REV3L: variants seen among roughly 807,000 people sequenced by gnomAD.
The protein encoded by REV3L is DNA polymerase zeta catalytic subunit.
In REV3L, 69 loss-of-function variants were observed where a neutral mutation model predicts 299.4. The ratio of observed to expected loss-of-function variants is 0.23; its 90% CI spans 0.19 to 0.28. The LOEUF is 0.28. Among genes scored for constraint, REV3L ranks in the 10% least tolerant of loss-of-function variants. REV3L has a pLI of 1.00. For synonymous variants in REV3L, 1,238 were observed against 1,271.4 expected, an observed-to-expected ratio of 0.97 and a Z score of 0.56; for missense variants, 3,128 against 3,693.8, an observed-to-expected ratio of 0.85 and a Z score of 3.97.
intron 9 of REV3L, among the ~76,000 whole-genome samples, chr6:111,384,664 C>A (rs371312561): frequency 6.6e-6 from 1 of 152,132 alleles, no homozygotes; most frequent in South Asian, 2.1e-4. Flanking sequence ...ATTAGTACAG[C>A]CACTATGGAG....
At chr6:111,368,212 A>G (rs977701905) in intron 13 of REV3L, among the ~76,000 whole-genome samples, 184 bp from the exon 14 acceptor site, 1 of 152,202 alleles carries the variant, frequency 6.6e-6, no homozygotes, top group Non-Finnish European at 1.5e-5. Context: ...CCTCACAGGT[A>G]TATGACTACT....
At chr6:111,423,159 A>G (rs1013978996) in intron 1 of REV3L, among the ~76,000 whole-genome samples, 2 of 152,190 alleles carry the variant, frequency 1.3e-5, no homozygotes, top group Admixed American at 6.5e-5. Flanking sequence ...CACTAACTTC[A>G]TGACTATAAA....
At chr6:111,429,566 T>C (rs1433424463) in intron 1 of REV3L, among the ~76,000 whole-genome samples, 3 of 151,932 alleles carry the variant, frequency 2.0e-5, no homozygotes, top group Middle Eastern at 3.4e-3. Flanking sequence ...AAAAGACAAA[T>C]CTACCAAAAA....
At chr6:111,408,354 G>A (rs140988591) in intron 3 of REV3L, among the ~76,000 whole-genome samples, 4,580 of 152,206 alleles carry the variant, frequency 0.03, 81 homozygotes, top group South Asian at 0.079. Flanking sequence ...TGTAATCCCA[G>A]CACTTTGGGA....
At chr6:111,364,553 AT>A (rs1259123690) in intron 15 of REV3L, among the ~76,000 whole-genome samples, 2 of 151,702 alleles carry the variant, frequency 1.3e-5, no homozygotes, top group African/African-American at 4.8e-5. Context: ...CTGATATAGT[AT>A]TTTTTAATAT....
intron 16 of REV3L, among the ~76,000 whole-genome samples, chr6:111,363,331 T>C (rs1778886967): frequency 6.6e-6 from 1 of 152,118 alleles, no homozygotes; most frequent in Admixed American, 6.6e-5. Context: ...AGACAGAGTC[T>C]TGCTCTGTCT....
At position 111,376,029 on chromosome 6, in the gene REV3L, A is replaced by G; in HGVS notation, c.2326T>C (p.Tyr776His). Reference protein sequence around the residue: ...ESGLNKLKIRYEEFQEHKTEK... With the variant: ...ESGLNKLKIRHEEFQEHKTEK... The stretch of plus-strand genomic sequence containing the variant: ...GTTTTATGTTCTTGAAATTCTTCAT[A>G]CCTAATTTTAAGTTTATTTAGTCCA... Residue 776 changes from tyrosine to histidine, a missense_variant, in exon 13 of 32, where the codon TAT (tyrosine) becomes CAT (histidine). Tyr to His is a moderately conservative substitution (Grantham distance 83, BLOSUM62 2). Around this residue, in one of 9 missense-constraint regions of REV3L, gnomAD observed 2,409 missense variants for 2,611.8 expected, o/e 0.92. Coordinates refer to ENST00000368802, the MANE Select transcript of REV3L (RefSeq NM_001372078.1). 1.2e-6 allele frequency: 2 copies of G among 1,613,842 alleles called. No individual in the cohort carries two copies. Among genetic ancestry groups the G allele is most frequent in the Non-Finnish European group, 1.7e-6 (2 of 1,179,888 alleles).
Position 111,416,429 on chromosome 6 carries a change from G to A in REV3L, c.183C>T (p.Leu61=), listed in dbSNP as rs1271696813. ...CLHLHGIFPY[L]YVPYDGYGQQ... ...GTCCATAACCATCGTATGGCACATAGAGGTAAGGAAAGATGCCATGTAGAT... is the reference window on the plus strand; with the variant it reads ...GTCCATAACCATCGTATGGCACATAAAGGTAAGGAAAGATGCCATGTAGAT... The change falls in exon 2 of 32, where the codon CTC becomes CTT. Residue 61 remains leucine, a synonymous_variant. Coordinates refer to ENST00000368802, the MANE Select transcript of REV3L (RefSeq NM_001372078.1). The A allele has an allele frequency of 6.2e-7, 1 of 1,613,760 alleles. No individual in the cohort carries two copies. The highest frequency in any genetic ancestry group is 8.5e-7 in the Non-Finnish European group (1 of 1,179,784).
intron 17 of REV3L, among the ~76,000 whole-genome samples, chr6:111,358,202 G>C (rs1191899085): frequency 6.6e-6 from 1 of 152,106 alleles, no homozygotes; most frequent in Non-Finnish European, 1.5e-5. Context: ...GAAAGATAAA[G>C]AGATATAAGC....
In REV3L at chr6:111,358,746, C is replaced by T. The variant is rs1164014032; in HGVS notation, c.7072+76G>A. Reference sequence around the variant, plus strand: ...GTCATCATGCTTGCTTAGATTAGATCTTCAGCACAGGAATTCCCCATTAAA... The same window carrying T: ...GTCATCATGCTTGCTTAGATTAGATTTTCAGCACAGGAATTCCCCATTAAA... On this transcript the variant is annotated intron_variant, in intron 17 of 31. Coordinates refer to ENST00000368802, the MANE Select transcript of REV3L (RefSeq NM_001372078.1). The T allele has an allele frequency of 2.6e-6, 3 of 1,162,632 alleles. No homozygotes were observed. The East Asian group carries it at 7.2e-5, about 28-fold the overall frequency. 72.0% of individuals were successfully genotyped at this position (1,162,632 alleles called of 1,614,324 possible).
At chr6:111,394,293 C>G (rs749918287) in intron 4 of REV3L, among the ~76,000 whole-genome samples, 1 of 152,170 alleles carries the variant, frequency 6.6e-6, no homozygotes, top group Non-Finnish European at 1.5e-5. Context: ...TGCATCCTCA[C>G]CAGCATTTGT....
At chr6:111,471,908 T>C (rs1047099163) in intron 1 of REV3L, 2 of 491,554 alleles carry the variant, frequency 4.1e-6, no homozygotes, top group Middle Eastern at 8.8e-4. Flanking sequence ...AAGAGGTTGA[T>C]ATTTAAGTTG....
intron 4 of REV3L, 36 bp from the exon 5 acceptor site, chr6:111,393,008 T>G (rs1271132988): frequency 7.1e-7 from 1 of 1,403,086 alleles, no homozygotes. Context: ...AAATTCTACT[T>G]TCAATTTTCA....
chr6:111,471,694 G>A (rs6913769), intron 1 of REV3L, among the ~76,000 whole-genome samples: 60,397 of 152,036 alleles, frequency 0.4, 14,508 homozygotes, highest in Non-Finnish European at 0.54. Context: ...TAACTTGCTC[G>A]GGGTCTCTCA....
chr6:111,357,668 G>A (rs1160400544), intron 17 of REV3L, among the ~76,000 whole-genome samples: 4 of 151,978 alleles, frequency 2.6e-5, no homozygotes, highest in Admixed American at 2.6e-4. Context: ...ACTCCAACCT[G>A]GGCAACAGAG....
At chr6:111,333,428 A>C in intron 22 of REV3L, 61 bp from the exon 23 acceptor site, 2 of 1,572,064 alleles carry the variant, frequency 1.3e-6, no homozygotes, top group South Asian at 2.3e-5. Context: ...GGTCATTTGA[A>C]TATATAATCA....
chr6:111,443,301 C>T (rs2128309860), intron 1 of REV3L, among the ~76,000 whole-genome samples: 1 of 152,164 alleles, frequency 6.6e-6, no homozygotes, highest in East Asian at 1.9e-4. Flanking sequence ...GGCGCCGCCA[C>T]CTCGCCCAGC....
chr6:111,481,463 T>C (rs1793631668), intron 1 of REV3L, among the ~76,000 whole-genome samples: 1 of 152,224 alleles, frequency 6.6e-6, no homozygotes, highest in Admixed American at 6.5e-5. Context: ...ATTCACTAGT[T>C]TAAATAGGAA....
intron 26 of REV3L, among the ~76,000 whole-genome samples, chr6:111,319,147 G>T (rs1773855607): frequency 6.6e-6 from 1 of 152,020 alleles, no homozygotes; most frequent in Admixed American, 6.6e-5. Flanking sequence ...AAGAAATAAA[G>T]GTACATATAC....
Sources: allele counts gnomAD v4.1 joint callset (sites outside exome capture counted in the v4.1 genomes callset), GRCh38; gene constraint gnomAD v4.1.1; regional missense constraint gnomAD v4.1.1; transcripts MANE v1.5; gene names NCBI Gene and HGNC (gene_info 2026-07-23, HGNC 2026-07-21).